DRC11: variants seen among roughly 807,000 people sequenced by gnomAD.
DRC11 encodes IQ and AAA domain-containing protein 1.
the DRC11 span, among the ~76,000 whole-genome samples, chr2:236,389,254 C>T: frequency 6.6e-6 from 1 of 152,252 alleles, no homozygotes; most frequent in East Asian, 1.9e-4. Context: ...GGCGCCCCTC[C>T]CCCAGCCTCG....
chr2:236,359,876 A>G, the DRC11 span, among the ~76,000 whole-genome samples: 1 of 152,180 alleles, frequency 6.6e-6, no homozygotes, highest in African/African-American at 2.4e-5. The surrounding 1 kb of genome is among the most constrained non-coding windows in gnomAD (Gnocchi z 4.3). Context: ...AGAAAGGTGA[A>G]GTTTAATGAG....
chr2:236,359,753 T>G, the DRC11 span, among the ~76,000 whole-genome samples: 2 of 152,186 alleles, frequency 1.3e-5, no homozygotes, highest in African/African-American at 2.4e-5. The surrounding 1 kb of genome is among the most constrained non-coding windows in gnomAD (Gnocchi z 4.3). Flanking sequence ...GCAGTGCAGA[T>G]AGCTGCTCTG....
the DRC11 span, among the ~76,000 whole-genome samples, chr2:236,327,666 A>G: frequency 6.6e-6 from 1 of 151,994 alleles, no homozygotes; most frequent in Non-Finnish European, 1.5e-5. Context: ...GTCCACAGAC[A>G]ATTTATTCAC....
chr2:236,340,501 G>A, the DRC11 span, among the ~76,000 whole-genome samples: 1 of 152,138 alleles, frequency 6.6e-6, no homozygotes, highest in Non-Finnish European at 1.5e-5. Context: ...GGGTGAGTAG[G>A]GTGGTGAGAA....
the DRC11 span, chr2:236,399,281 C>G: frequency 2.9e-5 from 23 of 780,070 alleles, no homozygotes; most frequent in South Asian, 3.6e-4. This position sits in a 1 kb window ranked among gnomAD's most constrained non-coding sequence, Gnocchi z 7.0. Flanking sequence ...CAAGCCACCT[C>G]GCCTGGCCAG....
At chr2:236,350,043 T>C in the DRC11 span, among the ~76,000 whole-genome samples, 3 of 152,222 alleles carry the variant, frequency 2.0e-5, no homozygotes, top group African/African-American at 7.2e-5. This position sits in a 1 kb window ranked among gnomAD's most constrained non-coding sequence, Gnocchi z 5.2. Context: ...CAGATGTGAA[T>C]ACCAAGTATT....
the DRC11 span, among the ~76,000 whole-genome samples, chr2:236,471,349 T>C: frequency 6.6e-6 from 1 of 152,182 alleles, no homozygotes; most frequent in East Asian, 1.9e-4. This position sits in a 1 kb window ranked among gnomAD's most constrained non-coding sequence, Gnocchi z 4.6. Context: ...CATTTGTAAT[T>C]GTAATACTGC....
At chr2:236,422,835 T>C in the DRC11 span, among the ~76,000 whole-genome samples, 1 of 151,472 alleles carries the variant, frequency 6.6e-6, no homozygotes, top group Admixed American at 6.6e-5. Context: ...AACAGCATGG[T>C]ACTGGTACCA....
At chr2:236,500,524 C>T in the DRC11 span, among the ~76,000 whole-genome samples, 2 of 152,168 alleles carry the variant, frequency 1.3e-5, no homozygotes, top group Non-Finnish European at 2.9e-5. The surrounding 1 kb of genome is among the most constrained non-coding windows in gnomAD (Gnocchi z 6.3). Context: ...ATCCCCAGCA[C>T]GTCCGAATGC....
chr2:236,354,253 G>A, the DRC11 span, among the ~76,000 whole-genome samples: 1 of 151,628 alleles, frequency 6.6e-6, no homozygotes, highest in East Asian at 1.9e-4. Flanking sequence ...GTATGTTAGT[G>A]TGCACATGTG....
At chr2:236,456,338 C>A in the DRC11 span, among the ~76,000 whole-genome samples, 1 of 152,176 alleles carries the variant, frequency 6.6e-6, no homozygotes, top group South Asian at 2.1e-4. The surrounding 1 kb of genome is among the most constrained non-coding windows in gnomAD (Gnocchi z 5.4). Context: ...GGTCACGCAG[C>A]CCGCAAGTGA....
At chr2:236,366,975 A>ATT in the DRC11 span, among the ~76,000 whole-genome samples, 21,564 of 127,162 alleles carry the variant, frequency 0.17, 2,094 homozygotes, top group Non-Finnish European at 0.23. Flanking sequence ...ACACCCGGCT[A>ATT]TTTTTTTTTT....
At chr2:236,344,545 GAA>G in the DRC11 span, 6 of 1,602,236 alleles carry the variant, frequency 3.7e-6, no homozygotes, top group Non-Finnish European at 5.1e-6. Flanking sequence ...TAAGGCATGA[GAA>G]AGTCCTCACC....
chr2:236,371,704 T>C, the DRC11 span, among the ~76,000 whole-genome samples: 1 of 152,220 alleles, frequency 6.6e-6, no homozygotes, highest in Non-Finnish European at 1.5e-5. This position sits in a 1 kb window ranked among gnomAD's most constrained non-coding sequence, Gnocchi z 5.1. Flanking sequence ...AGGTCATTCT[T>C]AGCAGATTCT....
chr2:236,416,611 G>A, the DRC11 span, among the ~76,000 whole-genome samples: 1 of 150,880 alleles, frequency 6.6e-6, no homozygotes, highest in Non-Finnish European at 1.5e-5. Flanking sequence ...TCACAGTGCA[G>A]GAGCCGAGCA....
the DRC11 span, among the ~76,000 whole-genome samples, chr2:236,438,082 C>G: frequency 7.1e-6 from 1 of 140,454 alleles, no homozygotes; most frequent in Non-Finnish European, 1.5e-5. Context: ...TTAGATCTAA[C>G]GTTTAAGTCT....
the DRC11 span, chr2:236,497,370 G>A: frequency 1.2e-6 from 2 of 1,613,880 alleles, no homozygotes; most frequent in East Asian, 2.2e-5. This position sits in a 1 kb window ranked among gnomAD's most constrained non-coding sequence, Gnocchi z 5.1. Flanking sequence ...CGTAGAAGGT[G>A]GCTAATGTTT....
the DRC11 span, among the ~76,000 whole-genome samples, chr2:236,357,731 A>ATACATATAATATGTAAATAT: frequency 7.9e-6 from 1 of 126,624 alleles, no homozygotes; most frequent in African/African-American, 3.1e-5. Context: ...ATATATAAAT[A>ATACATATAATATGTAAATAT]TACATATAAT....
the DRC11 span, among the ~76,000 whole-genome samples, chr2:236,357,636 A>G: frequency 1.9e-5 from 2 of 103,836 alleles, no homozygotes; most frequent in Non-Finnish European, 3.7e-5. Flanking sequence ...TATGCATATA[A>G]TATGTAAATA....
Sources: gnomAD v4.1 joint callset for allele counts (sites outside exome capture counted in the v4.1 genomes callset) on GRCh38, gnomAD v4.1.1 for gene constraint, Gnocchi (gnomAD v3.1) non-coding constraint, MANE v1.5 for transcripts, NCBI Gene and HGNC (gene_info 2026-07-23, HGNC 2026-07-21) for gene names.